The following MAP2K5 variants were observed in gnomAD, a reference collection of about 807,000 sequenced individuals.
MAP2K5 encodes dual specificity mitogen-activated protein kinase kinase 5.
In MAP2K5, 49 loss-of-function variants were observed where a neutral mutation model predicts 83.1. The ratio of observed to expected loss-of-function variants is 0.59; its 90% CI spans 0.47 to 0.75. The LOEUF (loss-of-function observed/expected upper bound fraction) is 0.75. MAP2K5 is among the 30% of genes least tolerant of loss of function. The pLI, the probability that MAP2K5 is intolerant of heterozygous loss-of-function variation, is 0.00. For missense variants in MAP2K5, 457 were observed against 557.5 expected (o/e 0.82, Z 1.82); for synonymous variants, 202 against 191.8 (o/e 1.05, Z -0.44).
intron 7 of MAP2K5, among the ~76,000 whole-genome samples, chr15:67,600,052 C>A (rs2085621835): frequency 6.6e-6 from 1 of 151,996 alleles, no homozygotes; most frequent in African/African-American, 2.4e-5. Flanking sequence ...TGTATTTTTC[C>A]TTTATGTATT....
At chr15:67,773,601 T>G (rs2086578788) in intron 21 of MAP2K5, among the ~76,000 whole-genome samples, 1 of 152,236 alleles carries the variant, frequency 6.6e-6, no homozygotes, top group Non-Finnish European at 1.5e-5. Context: ...CCCAACTTCT[T>G]TATAATATGG....
At chr15:67,796,570 T>A (rs1248330229) in intron 21 of MAP2K5, among the ~76,000 whole-genome samples, 1 of 152,218 alleles carries the variant, frequency 6.6e-6, no homozygotes, top group African/African-American at 2.4e-5. Context: ...CCTGTTCCAG[T>A]CACCTCCTAC....
In MAP2K5 at chr15:67,543,072, C is replaced by T; in HGVS notation, c.-264C>T. 1.9e-6 allele frequency: 1 copy of T among 527,820 alleles called. No individual in the cohort carries two copies. The highest frequency in any genetic ancestry group is 3.2e-5 in the East Asian group (1 of 30,870). 32.7% of individuals were successfully genotyped at this position (527,820 alleles called of 1,614,324 possible). A position where few individuals can be genotyped will look rare whatever the true frequency, so the allele number is the denominator to read the frequency against. Reference sequence around the variant, plus strand: ...GCTCAACTCCAGAACCTTCCGACCTCCGCTAGTTCCTGCGGGCCTTTGCCC... The same window carrying T: ...GCTCAACTCCAGAACCTTCCGACCTTCGCTAGTTCCTGCGGGCCTTTGCCC... On this transcript the variant is annotated 5_prime_UTR_variant, in exon 1 of 22. Coordinates refer to ENST00000178640, the MANE Select transcript of MAP2K5 (RefSeq NM_145160.3). This position sits in a 1 kb window ranked among gnomAD's most constrained non-coding sequence, Gnocchi z 4.3.
rs992418451 is a variant in MAP2K5, at chr15:67,802,540, G to T, written c.1243-4106G>T. 6.6e-6 allele frequency among the ~76,000 whole-genome samples: 1 copy of T among 152,188 alleles called. No individual in the cohort carries two copies. The highest frequency in any genetic ancestry group is 2.4e-5 in the African/African-American group (1 of 41,442). The stretch of plus-strand genomic sequence containing the variant: ...CCTCGTCAGTTTAATTGTTGCAATT[G>T]GCCCTCAGAGAATCCAGGGAATGAG... On this transcript the variant is annotated intron_variant, in intron 21 of 21. Transcript: ENST00000178640. This position sits in a 1 kb window ranked among gnomAD's most constrained non-coding sequence, Gnocchi z 5.0.
intron 13 of MAP2K5, among the ~76,000 whole-genome samples, chr15:67,671,979 A>C (rs1447042866): frequency 1.6e-4 from 25 of 151,834 alleles, no homozygotes; most frequent in African/African-American, 5.8e-4. Flanking sequence ...ATGTCCCTAC[A>C]AAGGACATGA....
rs1266153515 is a variant in MAP2K5, at chr15:67,722,921, A to G, written c.1045-4995A>G. ...AGCTAGATCACTGGCTATATTGAAAATGCTTATTTTCAATTTGTAGTTATG... is the reference window on the plus strand; with the variant it reads ...AGCTAGATCACTGGCTATATTGAAAGTGCTTATTTTCAATTTGTAGTTATG... On this transcript the variant is annotated intron_variant, in intron 16 of 21. Transcript: ENST00000178640. This position sits in a 1 kb window ranked among gnomAD's most constrained non-coding sequence, Gnocchi z 4.2. Among the ~76,000 whole-genome samples the G allele has an allele frequency of 6.6e-6, 1 of 152,216 alleles. No individual in the cohort carries two copies. Among genetic ancestry groups the G allele is most frequent in the Non-Finnish European group, 1.5e-5 (1 of 68,030 alleles).
chr15:67,579,004 A>G (rs550967121), intron 3 of MAP2K5, among the ~76,000 whole-genome samples: 3 of 152,352 alleles, frequency 2.0e-5, no homozygotes, highest in African/African-American at 7.2e-5. Context: ...TGAAATTACT[A>G]GCCTATTGTA....
intron 8 of MAP2K5, chr15:67,628,734 C>A: frequency 1.3e-6 from 1 of 775,510 alleles, no homozygotes; most frequent in Non-Finnish European, 2.3e-6. Context: ...ATGGCTAATG[C>A]TTCAGCCAGC....
rs1173583171 is a variant in MAP2K5 at position 67,644,472 on chromosome 15, G to A, written c.586-1759G>A. On this transcript the variant is annotated intron_variant, in intron 9 of 21. Coordinates refer to ENST00000178640, the MANE Select transcript of MAP2K5 (RefSeq NM_145160.3). The surrounding 1 kb of genome is among the most constrained non-coding windows in gnomAD (Gnocchi z 4.6). ...ATGCTTAGTAGAATTTGAACAGTAT[G>A]GTCTTCTTTCTTAAAAAAATATGTG... Among the ~76,000 whole-genome samples the A allele has an allele frequency of 6.6e-6, 1 of 151,856 alleles. No individual in the cohort carries two copies. The highest frequency in any genetic ancestry group is 1.5e-5 in the Non-Finnish European group (1 of 67,978).
chr15:67,676,105 C>G lies in MAP2K5; in HGVS notation c.847+11460C>G, dbSNP rs557330820. Among the ~76,000 whole-genome samples, 1 of 152,262 alleles carries G rather than the reference C, an allele frequency of 6.6e-6. No individual in the cohort carries two copies. The highest frequency in any genetic ancestry group is 1.5e-5 in the Non-Finnish European group (1 of 68,022). On this transcript the variant is annotated intron_variant, in intron 13 of 21. Transcript: ENST00000178640. This position sits in a 1 kb window ranked among gnomAD's most constrained non-coding sequence, Gnocchi z 4.8. The stretch of plus-strand genomic sequence containing the variant: ...ATTAGGGTAAGCTTCTATCCAACCA[C>G]CCAGCAAGATGCCCCCAGTGTGTGG...
chr15:67,547,892 T>C lies in MAP2K5; in HGVS notation c.136-2142T>C, dbSNP rs535263620. Among the ~76,000 whole-genome samples, 3 of 152,374 alleles carry C rather than the reference T, an allele frequency of 2.0e-5. No homozygotes were observed. In the East Asian group the frequency reaches 5.8e-4, roughly 29 times the overall value. On this transcript the variant is annotated intron_variant, in intron 1 of 21. Transcript: ENST00000178640. ...TCATCAAATGTACCCTGCTTTAAAATGACTAGTAGATATTACTGATGTTTA... is the reference window on the plus strand; with the variant it reads ...TCATCAAATGTACCCTGCTTTAAAACGACTAGTAGATATTACTGATGTTTA...
intron 2 of MAP2K5, among the ~76,000 whole-genome samples, chr15:67,551,347 A>G (rs771515059): frequency 2.6e-5 from 4 of 152,102 alleles, no homozygotes; most frequent in Non-Finnish European, 5.9e-5. Context: ...AATTATTGTT[A>G]TTTTTAGAGA....
rs199551641 is a variant in MAP2K5, at chr15:67,772,775, A to C, written c.1242+23A>C. 27 of 1,575,376 alleles carry C rather than the reference A, an allele frequency of 1.7e-5. No individual in the cohort carries two copies. The African/African-American group carries it at 3.4e-4, about 20-fold the overall frequency. On this transcript the variant is annotated intron_variant, in intron 21 of 21. Coordinates refer to ENST00000178640, the MANE Select transcript of MAP2K5 (RefSeq NM_145160.3). ...ATGGTAAGTGAATGTTTTTAGTTAC[A>C]TTAGAATTCTCAGTTATATATTTAT... is the stretch of plus-strand genomic sequence containing the variant.
At position 67,695,304 on chromosome 15, in the gene MAP2K5, C is replaced by A. The variant is rs183304432; in HGVS notation, c.972+1736C>A. On this transcript the variant is annotated intron_variant, in intron 15 of 21. Transcript: ENST00000178640. ...AAAGATTTAGGGATGGAACCTTATT[C>A]TAAACCTAATTCTAAACCTAAACCT... Among the ~76,000 whole-genome samples the A allele has an allele frequency of 5.4e-3, 821 of 152,132 alleles. 5 individuals are homozygous for A. The highest frequency in any genetic ancestry group is 6.5e-3 in the Admixed American group (100 of 15,270).
intron 17 of MAP2K5, among the ~76,000 whole-genome samples, chr15:67,737,711 A>G (rs1044569117): frequency 6.6e-6 from 1 of 152,128 alleles, no homozygotes; most frequent in African/African-American, 2.4e-5. Context: ...CCAAGGTGTC[A>G]TCTCCAAGGA....
At chr15:67,709,478 CAAA>C (rs34286897) in intron 16 of MAP2K5, among the ~76,000 whole-genome samples, 4 of 129,708 alleles carry the variant, frequency 3.1e-5, no homozygotes, top group African/African-American at 2.9e-5. Context: ...GACTTCAGGG[CAAA>C]AAAAAAAAAA....
intron 13 of MAP2K5, among the ~76,000 whole-genome samples, chr15:67,684,760 A>T (rs956976945): frequency 6.6e-6 from 1 of 152,238 alleles, no homozygotes; most frequent in Non-Finnish European, 1.5e-5. Flanking sequence ...GAAATGGAAG[A>T]CAAACAAGTT....
At chr15:67,671,813 T>TC (rs1339386306) in intron 13 of MAP2K5, among the ~76,000 whole-genome samples, 1 of 66,836 alleles carries the variant, frequency 1.5e-5, no homozygotes, top group African/African-American at 6.2e-5. Context: ...CCCTCCCCCC[T>TC]CCCCCCACCC....
intron 7 of MAP2K5, among the ~76,000 whole-genome samples, chr15:67,593,303 G>A (rs138540364): frequency 3.3e-5 from 5 of 152,074 alleles, no homozygotes; most frequent in Admixed American, 1.3e-4. Flanking sequence ...CATTATCTTT[G>A]GGGAGAAAAG....
Sources: gnomAD v4.1 joint callset for allele counts (sites outside exome capture counted in the v4.1 genomes callset) on GRCh38, gnomAD v4.1.1 for gene constraint, Gnocchi (gnomAD v3.1) non-coding constraint, MANE v1.5 for transcripts, NCBI Gene and HGNC (gene_info 2026-07-23, HGNC 2026-07-21) for gene names.